Variants in LHFPL6 observed in about 807,000 individuals in gnomAD.
The protein encoded by LHFPL6 is LHFPL tetraspan subfamily member 6, also known as LHFPL tetraspan subfamily member 6 protein.
Under a neutral mutation model 20.6 loss-of-function variants are expected in LHFPL6, and 9 were observed. The ratio of observed to expected loss-of-function variants is 0.44; its 90% CI spans 0.26 to 0.76. The LOEUF (loss-of-function observed/expected upper bound fraction) is 0.76. LHFPL6 is among the 30% of genes least tolerant of loss of function. The pLI, the probability that LHFPL6 is intolerant of heterozygous loss-of-function variation, is 0.20. For synonymous variants in LHFPL6, 105 were observed against 98.7 expected (o/e 1.06, Z -0.38); for missense variants, 218 against 253.5 (o/e 0.86, Z 0.95).
chr13:39,462,926 C>T (rs1872719978), intron 2 of LHFPL6, among the ~76,000 whole-genome samples: 1 of 152,118 alleles, frequency 6.6e-6, no homozygotes, highest in South Asian at 2.1e-4. Flanking sequence ...TTAGTCAAAC[C>T]AGGCTGTAAT....
chr13:39,594,523 T>C (rs1376590034), intron 2 of LHFPL6, among the ~76,000 whole-genome samples: 1 of 152,246 alleles, frequency 6.6e-6, no homozygotes, highest in Non-Finnish European at 1.5e-5. Flanking sequence ...TTGGTGGGAC[T>C]GTAAACTAGT....
chr13:39,569,840 G>C (rs1156966605), intron 2 of LHFPL6, among the ~76,000 whole-genome samples: 1 of 152,304 alleles, frequency 6.6e-6, no homozygotes, highest in East Asian at 1.9e-4. Context: ...GGAGGCACAA[G>C]CTCATTTGGA....
chr13:39,408,004 C>A (rs9576790), intron 2 of LHFPL6, among the ~76,000 whole-genome samples: 41,725 of 151,958 alleles, frequency 0.27, 6,038 homozygotes, highest in East Asian at 0.4. Context: ...AACAGCGTAA[C>A]CAAAATGGAT....
intron 2 of LHFPL6, among the ~76,000 whole-genome samples, chr13:39,599,227 T>C (rs1438232351): frequency 6.6e-6 from 1 of 152,220 alleles, no homozygotes; most frequent in Admixed American, 6.5e-5. Context: ...AAAGCAATAT[T>C]TACCATAAGA....
rs1869306742 is a variant in LHFPL6, at chr13:39,343,602, G to GTT, written c.*332_*333dup. The stretch of plus-strand genomic sequence containing the variant: ...AACCCTTGTTTGTATATGTAGATTT[G>GTT]TTGTGTGTGTGTGTGTGTGTGTGTG... On this transcript the variant is annotated 3_prime_UTR_variant, in exon 4 of 4. Transcript: ENST00000379589. The GTT allele has an allele frequency of 5.7e-6, 1 of 176,682 alleles. No individual in the cohort carries two copies. Among genetic ancestry groups the GTT allele is most frequent in the African/African-American group, 3.6e-5 (1 of 28,064 alleles). 10.9% of individuals were successfully genotyped at this position (176,682 alleles called of 1,614,324 possible).
Position 39,343,906 on chromosome 13 carries a change from T to TCTC in LHFPL6, c.*27_*29dup. ...CTCTCCAAGCCCCTTTGGCCCATCT[T>TCTC]CTCCTCTGTCTGCTCTTGGTAGCTC... is the stretch of plus-strand genomic sequence containing the variant. On this transcript the variant is annotated 3_prime_UTR_variant, in exon 4 of 4. Transcript: ENST00000379589. The TCTC allele has an allele frequency of 6.3e-7, 1 of 1,583,580 alleles. No homozygotes were observed. Among genetic ancestry groups the TCTC allele is most frequent in the Non-Finnish European group, 8.7e-7 (1 of 1,153,820 alleles).
chr13:39,445,202 T>C (rs1162849404), intron 2 of LHFPL6, among the ~76,000 whole-genome samples: 1 of 152,228 alleles, frequency 6.6e-6, no homozygotes, highest in East Asian at 1.9e-4. Context: ...CTATTGTTTA[T>C]AAATTACCCA....
At chr13:39,546,778 T>C (rs1443278403) in intron 2 of LHFPL6, among the ~76,000 whole-genome samples, 6 of 152,096 alleles carry the variant, frequency 3.9e-5, no homozygotes, top group Non-Finnish European at 7.3e-5. Flanking sequence ...CTCTATTCCA[T>C]GTCTTTGTCC....
At chr13:39,505,870 A>G (rs1869460227) in intron 2 of LHFPL6, among the ~76,000 whole-genome samples, 1 of 152,220 alleles carries the variant, frequency 6.6e-6, no homozygotes, top group Non-Finnish European at 1.5e-5. Flanking sequence ...TCTATATTAC[A>G]AATGAAAATA....
intron 2 of LHFPL6, among the ~76,000 whole-genome samples, chr13:39,511,554 C>T (rs1869708052): frequency 6.6e-6 from 1 of 151,768 alleles, no homozygotes; most frequent in Non-Finnish European, 1.5e-5. Context: ...CAACTAAAGT[C>T]AGGGGTAAAA....
At chr13:39,507,557 G>A (rs559005347) in intron 2 of LHFPL6, among the ~76,000 whole-genome samples, 2 of 151,334 alleles carry the variant, frequency 1.3e-5, no homozygotes, top group Non-Finnish European at 2.9e-5. Context: ...GCCAAATATT[G>A]AAATTGCTGC....
intron 3 of LHFPL6, among the ~76,000 whole-genome samples, chr13:39,376,773 T>C (rs1212102383): frequency 2.0e-5 from 3 of 152,342 alleles, no homozygotes; most frequent in African/African-American, 7.2e-5. Context: ...GATGTCTAAG[T>C]TAGTAACTGA....
At chr13:39,591,669 G>A (rs183531147) in intron 2 of LHFPL6, among the ~76,000 whole-genome samples, 20 of 152,294 alleles carry the variant, frequency 1.3e-4, no homozygotes, top group Non-Finnish European at 2.1e-4. Flanking sequence ...TCTAGAACAC[G>A]TGGGGAGTTT....
intron 2 of LHFPL6, among the ~76,000 whole-genome samples, chr13:39,511,922 T>A (rs79579453): frequency 0.023 from 3,578 of 152,292 alleles, 140 homozygotes; most frequent in African/African-American, 0.082. Flanking sequence ...CTCAGGATTT[T>A]CCAACACCTT....
chr13:39,438,863 G>C (rs1872036029), intron 2 of LHFPL6, among the ~76,000 whole-genome samples: 1 of 152,202 alleles, frequency 6.6e-6, no homozygotes, highest in Admixed American at 6.5e-5. Flanking sequence ...TTCAGAGGAT[G>C]TACAGAAAAG....
chr13:39,502,557 G>C (rs1431404825), intron 2 of LHFPL6, among the ~76,000 whole-genome samples: 2 of 151,974 alleles, frequency 1.3e-5, no homozygotes, highest in African/African-American at 4.8e-5. Flanking sequence ...GGAGCTTGAG[G>C]CTCCAGTGAG....
chr13:39,531,117 G>A (rs1870452465), intron 2 of LHFPL6, among the ~76,000 whole-genome samples: 1 of 152,226 alleles, frequency 6.6e-6, no homozygotes, highest in Non-Finnish European at 1.5e-5. Context: ...ATGAATTACA[G>A]CTAATAAACA....
chr13:39,576,494 T>G (rs1872119861), intron 2 of LHFPL6, among the ~76,000 whole-genome samples: 1 of 152,196 alleles, frequency 6.6e-6, no homozygotes, highest in African/African-American at 2.4e-5. Context: ...AAGAATAAAG[T>G]ATGCTTACTT....
intron 2 of LHFPL6, among the ~76,000 whole-genome samples, chr13:39,565,091 G>C (rs1051769595): frequency 6.6e-6 from 1 of 152,116 alleles, no homozygotes; most frequent in Admixed American, 6.5e-5. Flanking sequence ...AATGACCATT[G>C]TTGTTTAAAA....
Sources: gnomAD v4.1 joint callset for allele counts (sites outside exome capture counted in the v4.1 genomes callset) on GRCh38, gnomAD v4.1.1 for gene constraint, MANE v1.5 for transcripts, NCBI Gene and HGNC (gene_info 2026-07-23, HGNC 2026-07-21) for gene names.